Variants in CUL2 observed in about 807,000 individuals in gnomAD.
The protein encoded by CUL2 is cullin-2.
CUL2 carries 22 observed loss-of-function variants against 110.2 expected under a neutral mutation model. The observed-to-expected ratio is 0.20, with a 90% CI of 0.14 to 0.28. The LOEUF is 0.28. Ranked by LOEUF, CUL2 falls within the 10% of genes least tolerant of loss-of-function variation. The probability of loss-of-function intolerance (pLI) is 1.00; values close to 1 mark genes in which losing one functional copy is unlikely to be tolerated. For missense variants in CUL2, 631 were observed against 905.5 expected (o/e 0.70, Z 3.89); for synonymous variants, 279 against 293.2 (o/e 0.95, Z 0.49).
Position 35,029,617 on chromosome 10 carries a change from G to C in CUL2, c.1410C>G (p.Thr470=). The change falls in exon 15 of 21, where the codon ACC becomes ACG. Residue 470 remains threonine, a synonymous_variant. Coordinates refer to ENST00000374749, the MANE Select transcript of CUL2 (RefSeq NM_003591.4). ...CTGTATACATCCGATGTAGCTTGCT[G>C]GTAAACTCATAACCACAGGCTTGCT... The part of the protein sequence containing the change: ...KLKQACGYEF[T]SKLHRMYTDM... 6.3e-7 allele frequency: 1 copy of C among 1,589,394 alleles called. No individual in the cohort carries two copies. The highest frequency in any genetic ancestry group is 1.4e-5 in the African/African-American group (1 of 73,308).
At chr10:35,071,992 G>A (rs1441360265) in intron 1 of CUL2, among the ~76,000 whole-genome samples, 1 of 152,158 alleles carries the variant, frequency 6.6e-6, no homozygotes, top group Non-Finnish European at 1.5e-5. Flanking sequence ...CTTCCATCAT[G>A]GGAAATAATG....
chr10:35,074,648 CCT>C (rs546770013), intron 1 of CUL2, among the ~76,000 whole-genome samples: 86 of 152,192 alleles, frequency 5.7e-4, no homozygotes, highest in Admixed American at 2.7e-3. Context: ...GCCATCGCAC[CCT>C]AATTTTTGTA....
At position 35,071,273 on chromosome 10, in the gene CUL2, G is replaced by C. The variant is rs1405739292; in HGVS notation, c.45C>G (p.Asn15Lys). The C allele has an allele frequency of 3.1e-6, 5 of 1,613,748 alleles. No individual in the cohort carries two copies. Among genetic ancestry groups the C allele is most frequent in the Non-Finnish European group, 3.4e-6 (4 of 1,179,764 alleles). Residue 15 changes from asparagine (N) to lysine (K), a missense_variant, in exon 2 of 21, where the codon AAC becomes AAG. Physicochemically the swap from Asn to Lys is moderately conservative, Grantham distance 94 (BLOSUM62 0). This residue lies in a region of CUL2 where 338 missense variants were observed against 442.5 expected (regional missense o/e 0.76). Coordinates refer to ENST00000374749, the MANE Select transcript of CUL2 (RefSeq NM_003591.4). ...CGGCTTTTATTGTCGTCAAAAGTTT[G>C]TTCCATGTTTCATCAAAATCTACTA... Reference protein sequence around the residue: ...PRVVDFDETWNKLLTTIKAVV... With the variant: ...PRVVDFDETWKKLLTTIKAVV...
intron 11 of CUL2, 82 bp downstream of exon 11, chr10:35,033,084 T>A (rs1383577905): frequency 1.5e-6 from 1 of 681,980 alleles, no homozygotes; most frequent in Non-Finnish European, 2.3e-6. Context: ...AGAAACCTCA[T>A]ACTAGAATTC....
At chr10:35,112,840 A>G (rs1432395980) in intron 1 of CUL2, among the ~76,000 whole-genome samples, 1 of 152,150 alleles carries the variant, frequency 6.6e-6, no homozygotes, top group Non-Finnish European at 1.5e-5. Context: ...TACACCAATA[A>G]TCTTAAAATA....
chr10:35,016,521 G>C (rs2085037541), intron 17 of CUL2, 127 bp from the exon 18 acceptor site: 2 of 725,256 alleles, frequency 2.8e-6, no homozygotes, highest in African/African-American at 3.6e-5. Flanking sequence ...TAAAGCCACT[G>C]CTGTTAACAA....
intron 16 of CUL2, among the ~76,000 whole-genome samples, chr10:35,027,209 A>T (rs1348632839): frequency 6.6e-6 from 1 of 150,526 alleles, no homozygotes; most frequent in African/African-American, 2.4e-5. Flanking sequence ...CAGTGGCGCA[A>T]ACTCGGCTCA....
intron 1 of CUL2, among the ~76,000 whole-genome samples, chr10:35,121,696 G>A (rs745776912): frequency 2.2e-4 from 33 of 151,844 alleles, no homozygotes; most frequent in Non-Finnish European, 3.7e-4. Context: ...TGTAGTTCCA[G>A]CTACTTAGCC....
In CUL2 at chr10:35,028,714, A is replaced by G. The variant is rs1446405500; in HGVS notation, c.1617+96T>C. ...TTTCTGAATCTATTTTTATCACATG[A>G]ACCCTTAAGACTCTGAAAAAATATT... On this transcript the variant is annotated intron_variant, in intron 16 of 20. Coordinates refer to ENST00000374749, the MANE Select transcript of CUL2 (RefSeq NM_003591.4). 4.2e-6 allele frequency: 3 copies of G among 718,230 alleles called. No homozygotes were observed. The African/African-American group carries it at 5.4e-5, about 13-fold the overall frequency. The allele number at this position is 718,230 out of a possible 1,614,324, so 44.5% of individuals were successfully genotyped here.
Position 35,010,243 on chromosome 10 carries a change from T to C in CUL2, c.*68A>G, listed in dbSNP as rs2084865394. 2 of 1,454,322 alleles carry C rather than the reference T, an allele frequency of 1.4e-6. No individual in the cohort carries two copies. Among genetic ancestry groups the C allele is most frequent in the East Asian group, 2.6e-5 (1 of 38,792 alleles). 90.1% of individuals were successfully genotyped at this position (1,454,322 alleles called of 1,614,324 possible). On this transcript the variant is annotated 3_prime_UTR_variant, in exon 21 of 21. Transcript: ENST00000374749. ...AAATTATGGAGGCACAGTCCTGCTT[T>C]TTCCCACAGGAACACACCAAATGGT...
At chr10:35,026,251 GATTGCCTGCTTAGTTCT>G (rs1406872072) in intron 16 of CUL2, among the ~76,000 whole-genome samples, 1 of 152,190 alleles carries the variant, frequency 6.6e-6, no homozygotes, top group African/African-American at 2.4e-5. Flanking sequence ...GAATACTTCA[GATTGCCTGCTTAGTTCT>G]AATCCAGACA....
At chr10:35,126,219 T>C (rs893350925) in intron 1 of CUL2, among the ~76,000 whole-genome samples, 9 of 151,984 alleles carry the variant, frequency 5.9e-5, no homozygotes, top group Middle Eastern at 3.4e-3. Flanking sequence ...TCCCGAAGTG[T>C]TGGGATTACA....
intron 5 of CUL2, 86 bp downstream of exon 5, chr10:35,054,348 G>C (rs1435531740): frequency 4.2e-6 from 3 of 720,268 alleles, no homozygotes; most frequent in Non-Finnish European, 7.0e-6. Flanking sequence ...AGCCAAATCA[G>C]TGTCCTTAAA....
At chr10:35,014,977 A>G (rs949934331) in intron 18 of CUL2, among the ~76,000 whole-genome samples, 2 of 152,014 alleles carry the variant, frequency 1.3e-5, no homozygotes, top group African/African-American at 4.8e-5. Context: ...TAGAAACCAT[A>G]ATTAATTAAC....
intron 6 of CUL2, among the ~76,000 whole-genome samples, chr10:35,048,317 A>G (rs1293337486): frequency 1.3e-5 from 2 of 152,188 alleles, no homozygotes; most frequent in Non-Finnish European, 2.9e-5. Flanking sequence ...AGACAAGCAG[A>G]CCAGATAATC....
intron 3 of CUL2, among the ~76,000 whole-genome samples, chr10:35,061,768 G>GA: frequency 6.9e-6 from 1 of 145,058 alleles, no homozygotes; most frequent in East Asian, 2.1e-4. Flanking sequence ...TACTTATGAG[G>GA]GTTTTTTTTT....
chr10:35,092,886 C>T (rs541731949), upstream of CUL2, among the ~76,000 whole-genome samples: 72 of 116,642 alleles, frequency 6.2e-4, no homozygotes, highest in Non-Finnish European at 1.3e-3. Flanking sequence ...AAAGTGTAGG[C>T]ATATTTCTAT....
intron 6 of CUL2, 57 bp from the exon 7 acceptor site, chr10:35,044,925 T>A (rs1462337574): frequency 7.4e-7 from 1 of 1,343,708 alleles, no homozygotes; most frequent in African/African-American, 1.5e-5. Flanking sequence ...TATGGAAATA[T>A]ACCCAAAATA....
At chr10:35,022,738 G>C (rs1328942467) in intron 17 of CUL2, among the ~76,000 whole-genome samples, 1 of 151,852 alleles carries the variant, frequency 6.6e-6, no homozygotes, top group Non-Finnish European at 1.5e-5. Context: ...ATCTACTGTG[G>C]AGTAAACTTG....
Sources: allele counts gnomAD v4.1 joint callset (sites outside exome capture counted in the v4.1 genomes callset), GRCh38; gene constraint gnomAD v4.1.1; regional missense constraint gnomAD v4.1.1; transcripts MANE v1.5; gene names NCBI Gene and HGNC (gene_info 2026-07-23, HGNC 2026-07-21).